RABGAP1L: variants seen among roughly 807,000 people sequenced by gnomAD.
RABGAP1L encodes rab GTPase-activating protein 1-like.
Under a neutral mutation model 137.7 loss-of-function variants are expected in RABGAP1L, and 63 were observed. The observed-to-expected ratio is 0.46, with a 90% CI of 0.37 to 0.56. The LOEUF (loss-of-function observed/expected upper bound fraction) is 0.56. Among genes scored for constraint, RABGAP1L ranks in the 20% least tolerant of loss-of-function variants. The pLI is 0.00. For synonymous variants in RABGAP1L, 431 were observed against 433.7 expected (o/e 0.99, Z 0.08); for missense variants, 1,095 against 1,244.0 (o/e 0.88, Z 1.80).
chr1:174,668,597 A>C (rs2148440591), intron 14 of RABGAP1L, among the ~76,000 whole-genome samples: 1 of 152,240 alleles, frequency 6.6e-6, no homozygotes, highest in Non-Finnish European at 1.5e-5. Flanking sequence ...TCTTTAGTAT[A>C]TTGATTTAAT....
intron 13 of RABGAP1L, among the ~76,000 whole-genome samples, chr1:174,608,325 A>G (rs1670939288): frequency 6.6e-6 from 1 of 152,236 alleles, no homozygotes; most frequent in Non-Finnish European, 1.5e-5. Flanking sequence ...CATTTAGGGT[A>G]CTAGATGTGT....
Position 174,232,306 on chromosome 1 carries a change from G to C in RABGAP1L, c.542+951G>C, listed in dbSNP as rs551346716. The stretch of plus-strand genomic sequence containing the variant: ...GTGAATCACTTGAGGTCAGGAGTTC[G>C]AAACCAGCCTGGGCAAAATAATACA... On this transcript the variant is annotated intron_variant, in intron 4 of 25. Coordinates refer to ENST00000681986, the MANE Select transcript of RABGAP1L (RefSeq NM_001366446.1). 6.6e-5 allele frequency among the ~76,000 whole-genome samples: 10 copies of C among 151,958 alleles called. No individual in the cohort carries two copies. In the East Asian group the frequency reaches 1.2e-3, roughly 18 times the overall value.
chr1:174,788,559 C>T (rs1220117467), intron 18 of RABGAP1L, among the ~76,000 whole-genome samples: 1 of 152,166 alleles, frequency 6.6e-6, no homozygotes, highest in Non-Finnish European at 1.5e-5. Context: ...CAGTCTCTTC[C>T]TCTCTTAAGC....
At chr1:174,863,409 C>T (rs1461015014) in intron 19 of RABGAP1L, among the ~76,000 whole-genome samples, 1 of 151,894 alleles carries the variant, frequency 6.6e-6, no homozygotes, top group African/African-American at 2.4e-5. Flanking sequence ...CGCAGTGGCT[C>T]ATGCCTGTAA....
In RABGAP1L at chr1:174,761,686, G is replaced by A. The variant is rs187381126; in HGVS notation, c.2211+9332G>A. ...CAGAGGCATTCCTCACTTCCCAGAC[G>A]GTGGAAACTCCCGTTTTTAAAACAT... On this transcript the variant is annotated intron_variant, in intron 18 of 25. Coordinates refer to ENST00000681986, the MANE Select transcript of RABGAP1L (RefSeq NM_001366446.1). The surrounding 1 kb of genome is among the most constrained non-coding windows in gnomAD (Gnocchi z 4.0). Among the ~76,000 whole-genome samples the A allele has an allele frequency of 2.0e-5, 3 of 152,254 alleles. No individual in the cohort carries two copies. Among genetic ancestry groups the A allele is most frequent in the Non-Finnish European group, 4.4e-5 (3 of 68,026 alleles).
chr1:174,396,110 G>C (rs996598716), intron 13 of RABGAP1L, among the ~76,000 whole-genome samples: 6 of 152,016 alleles, frequency 3.9e-5, no homozygotes, highest in Non-Finnish European at 7.4e-5. Flanking sequence ...AAAATGTTTA[G>C]AATAGGCAAA....
At chr1:174,252,448 T>C in intron 6 of RABGAP1L, 32 bp from the exon 7 acceptor site, 1 of 1,590,580 alleles carries the variant, frequency 6.3e-7, no homozygotes, top group Non-Finnish European at 8.5e-7. Context: ...TATTAGATTA[T>C]TGGTAATTCC....
At chr1:174,560,191 C>T (rs1667121051) in intron 13 of RABGAP1L, among the ~76,000 whole-genome samples, 2 of 151,914 alleles carry the variant, frequency 1.3e-5, no homozygotes, top group Non-Finnish European at 2.9e-5. Context: ...TTGACAATTG[C>T]AGTTCCCTTT....
At chr1:174,547,767 A>T in intron 13 of RABGAP1L, 1 of 1,274,412 alleles carries the variant, frequency 7.8e-7, no homozygotes, top group Non-Finnish European at 1.1e-6. Context: ...ATTTAAATTG[A>T]CGTTAGATGC....
intron 15 of RABGAP1L, among the ~76,000 whole-genome samples, chr1:174,688,426 A>C (rs1411923958): frequency 1.3e-5 from 2 of 152,106 alleles, no homozygotes; most frequent in Non-Finnish European, 2.9e-5. Context: ...AAGAAGGATT[A>C]TGTTTGAATA....
chr1:174,279,146 A>G (rs939755555), intron 10 of RABGAP1L, among the ~76,000 whole-genome samples: 3 of 152,202 alleles, frequency 2.0e-5, no homozygotes, highest in South Asian at 2.1e-4. Context: ...AAATGTTTCT[A>G]AGAAATACCT....
At chr1:174,201,489 C>T (rs562933648) in intron 1 of RABGAP1L, among the ~76,000 whole-genome samples, 3 of 152,196 alleles carry the variant, frequency 2.0e-5, no homozygotes, top group South Asian at 4.1e-4. Context: ...CCACCGCACC[C>T]GGCCTAGAAA....
At chr1:174,248,636 C>T (rs1405790827) in intron 5 of RABGAP1L, among the ~76,000 whole-genome samples, 4 of 151,994 alleles carry the variant, frequency 2.6e-5, no homozygotes, top group Non-Finnish European at 2.9e-5. Context: ...ATGTGGCATT[C>T]GGAAGTTTTT....
intron 13 of RABGAP1L, among the ~76,000 whole-genome samples, chr1:174,512,034 A>G (rs988403646): frequency 6.6e-6 from 1 of 152,238 alleles, no homozygotes; most frequent in Middle Eastern, 3.4e-3. Context: ...GTACATATTC[A>G]TGGGGGTACA....
At chr1:174,760,213 A>G (rs776131674) in intron 18 of RABGAP1L, among the ~76,000 whole-genome samples, 77 of 151,854 alleles carry the variant, frequency 5.1e-4, no homozygotes, top group Non-Finnish European at 8.8e-4. Flanking sequence ...TTTCAGGGGT[A>G]CTTGTGTAGG....
At chr1:174,925,379 A>G (rs867773042) in intron 19 of RABGAP1L, among the ~76,000 whole-genome samples, 1 of 142,960 alleles carries the variant, frequency 7.0e-6, no homozygotes. Flanking sequence ...AAAAAAAAAA[A>G]CAGCAAAAAA....
In RABGAP1L at chr1:174,665,448, C is replaced by T. The variant is rs1007401960; in HGVS notation, c.1825-18074C>T. Among the ~76,000 whole-genome samples the T allele has an allele frequency of 4.0e-5, 6 of 150,740 alleles. No homozygotes were observed. In the East Asian group the frequency reaches 7.8e-4, roughly 20 times the overall value. ...CGCCTCGCCCCGCCCCGCCCCGCCC[C>T]GCCTCGCCTTGCCTCTTTCCTTTCC... On this transcript the variant is annotated intron_variant, in intron 14 of 25. Transcript: ENST00000681986.
chr1:174,929,060 C>T (rs748079883), intron 19 of RABGAP1L, among the ~76,000 whole-genome samples: 4 of 150,510 alleles, frequency 2.7e-5, no homozygotes, highest in Non-Finnish European at 4.4e-5. Flanking sequence ...ACACTGGGGC[C>T]TGTCGTGGGG....
chr1:174,678,616 T>C (rs1050318616), intron 14 of RABGAP1L, among the ~76,000 whole-genome samples: 81 of 152,354 alleles, frequency 5.3e-4, no homozygotes, highest in African/African-American at 1.8e-3. Flanking sequence ...ATCATTATGT[T>C]ACTGGTGGGT....
Sources: allele counts gnomAD v4.1 joint callset (sites outside exome capture counted in the v4.1 genomes callset), GRCh38; gene constraint gnomAD v4.1.1; non-coding constraint Gnocchi (gnomAD v3.1); transcripts MANE v1.5; gene names NCBI Gene and HGNC (gene_info 2026-07-23, HGNC 2026-07-21).